Variants in MOCOS observed in about 807,000 individuals in gnomAD.
The protein encoded by MOCOS is human molybdenum cofactor sulfurase.
A neutral mutation model predicts 83.6 loss-of-function variants in MOCOS; 86 were observed. The observed-to-expected ratio is 1.03, with a 90% confidence interval of 0.86 to 1.23. The LOEUF is 1.23. Among genes scored for constraint, MOCOS ranks in the 50% most tolerant of loss-of-function variants. MOCOS has a pLI of 0.00. For missense variants in MOCOS, 1,120 were observed against 1,126.9 expected (o/e 0.99, Z 0.09); for synonymous variants, 445 against 434.7 (o/e 1.02, Z -0.29).
In MOCOS at chr18:36,269,080, G is replaced by A. The variant is rs2252668; in HGVS notation, c.*395G>A. On this transcript the variant is annotated 3_prime_UTR_variant, in exon 15 of 15. Coordinates refer to ENST00000261326, the MANE Select transcript of MOCOS (RefSeq NM_017947.4). ...GAGCATCTTTGGATCTCTCCAACCC[G>A]TTTGTAGTGAGGAAGGGAGTCTATG... 0.81 allele frequency: 190,111 copies of A among 236,000 alleles called. 77,492 individuals carry two copies. The highest frequency in any genetic ancestry group is 0.85 in the African/African-American group (36,856 of 43,158). The allele number at this position is 236,000 out of a possible 1,614,324, so 14.6% of individuals were successfully genotyped here.
At chr18:36,249,797 A>G (rs685799) in intron 10 of MOCOS, among the ~76,000 whole-genome samples, 150,353 of 152,240 alleles carry the variant, frequency 0.99, 74,275 homozygotes, top group East Asian at 1. Flanking sequence ...TGGATAAGGA[A>G]GCTGAGGGTG....
intron 1 of MOCOS, chr18:36,190,119 C>T (rs752606527): frequency 1.3e-5 from 2 of 152,228 alleles, no homozygotes; most frequent in Non-Finnish European, 2.9e-5. Flanking sequence ...GCTACTTGGC[C>T]CTCCAGAAGA....
At chr18:36,259,101 A>AT (rs141033231) in intron 12 of MOCOS, among the ~76,000 whole-genome samples, 19,492 of 149,876 alleles carry the variant, frequency 0.13, 1,412 homozygotes, top group East Asian at 0.2. Context: ...GCAGAGGGCC[A>AT]TTTTTTTTGG....
At position 36,269,292 on chromosome 18, in the gene MOCOS, C is replaced by T. The variant is rs2091691844; in HGVS notation, c.*607C>T. 6.4e-6 allele frequency: 1 copy of T among 156,436 alleles called. No individual in the cohort carries two copies. The highest frequency in any genetic ancestry group is 6.2e-5 in the Admixed American group (1 of 16,048). The allele number at this position is 156,436 out of a possible 1,614,324, so 9.7% of individuals were successfully genotyped here. ...TTTCCTGTTGCTTCCCATCCCTGGC[C>T]TCCGTCCTCATCCCCCACTGAGTTG... On this transcript the variant is annotated 3_prime_UTR_variant, in exon 15 of 15. Coordinates refer to ENST00000261326, the MANE Select transcript of MOCOS (RefSeq NM_017947.4).
intron 9 of MOCOS, among the ~76,000 whole-genome samples, chr18:36,246,951 A>T (rs543707013): frequency 6.6e-6 from 1 of 152,056 alleles, no homozygotes; most frequent in South Asian, 2.1e-4. Context: ...TTTGGCTATC[A>T]GGGCAAGTAG....
intron 7 of MOCOS, 35 bp from the exon 8 acceptor site, chr18:36,215,481 G>A (rs1403553252): frequency 1.3e-6 from 2 of 1,592,166 alleles, no homozygotes; most frequent in Non-Finnish European, 1.7e-6. Context: ...TGAGAAAGGG[G>A]TCACTCTGGC....
At chr18:36,229,109 G>A (rs2091528641) in intron 9 of MOCOS, among the ~76,000 whole-genome samples, 1 of 152,048 alleles carries the variant, frequency 6.6e-6, no homozygotes, top group Non-Finnish European at 1.5e-5. Flanking sequence ...ACTACCAATA[G>A]TAACATAATA....
chr18:36,192,268 G>T (rs982831149), intron 1 of MOCOS, among the ~76,000 whole-genome samples: 1 of 152,212 alleles, frequency 6.6e-6, no homozygotes, highest in Non-Finnish European at 1.5e-5. Context: ...CAAGTGGTAG[G>T]ATACAAGATC....
At chr18:36,213,950 A>G (rs961989409) in intron 7 of MOCOS, among the ~76,000 whole-genome samples, 1 of 142,280 alleles carries the variant, frequency 7.0e-6, no homozygotes, top group Non-Finnish European at 1.5e-5. Context: ...AAAGAAAAAA[A>G]AAAAGAAGAA....
At position 36,266,741 on chromosome 18, in the gene MOCOS, C is replaced by A. The variant is rs374057656; in HGVS notation, c.2410-8C>A. 2 of 1,613,318 alleles carry A rather than the reference C, an allele frequency of 1.2e-6. No homozygotes were observed. The highest frequency in any genetic ancestry group is 4.5e-5 in the East Asian group (2 of 44,872). The stretch of plus-strand genomic sequence containing the variant: ...TGGCAACGCTGTGTTTTCCTTCTCA[C>A]CTGCCAGGTTTTGGGGCCTTGTCAC... On this transcript the variant is annotated splice_polypyrimidine_tract_variant and splice_region_variant and intron_variant, in intron 13 of 14. Transcript: ENST00000261326.
At chr18:36,191,040 A>AAAGAAAAAG (rs367738433) in intron 1 of MOCOS, among the ~76,000 whole-genome samples, 20,157 of 146,540 alleles carry the variant, frequency 0.14, 1,885 homozygotes, top group East Asian at 0.31. Context: ...AAGAAAAAGA[A>AAAGAAAAAG]AAAAAAGTGT....
At chr18:36,232,696 A>T (rs974043577) in intron 9 of MOCOS, among the ~76,000 whole-genome samples, 3 of 152,044 alleles carry the variant, frequency 2.0e-5, no homozygotes, top group East Asian at 1.9e-4. Context: ...CTTTACTTCT[A>T]TGAGATCAAC....
chr18:36,225,333 G>A (rs1001351303), intron 9 of MOCOS, among the ~76,000 whole-genome samples: 25 of 152,080 alleles, frequency 1.6e-4, no homozygotes, highest in Admixed American at 1.5e-3. Flanking sequence ...TGTACTTTTT[G>A]TAGAGAGAGG....
intron 11 of MOCOS, among the ~76,000 whole-genome samples, chr18:36,252,557 C>CA (rs34085750): frequency 6.6e-5 from 10 of 151,068 alleles, no homozygotes; most frequent in Non-Finnish European, 1.2e-4. Context: ...GACTCTGTCT[C>CA]AAAAAAAAAT....
intron 10 of MOCOS, among the ~76,000 whole-genome samples, chr18:36,250,797 G>A (rs547597887): frequency 1.6e-4 from 25 of 152,274 alleles, no homozygotes; most frequent in Admixed American, 3.3e-4. Context: ...CAGGCCCATA[G>A]TGAACAAATA....
At chr18:36,243,739 TG>T (rs761611451) in intron 9 of MOCOS, among the ~76,000 whole-genome samples, 16 of 152,200 alleles carry the variant, frequency 1.1e-4, no homozygotes, top group Non-Finnish European at 2.2e-4. Context: ...TGAATCCATC[TG>T]GTCCTGGACT....
At chr18:36,208,982 G>C (rs559111000) in intron 6 of MOCOS, among the ~76,000 whole-genome samples, 5 of 152,232 alleles carry the variant, frequency 3.3e-5, no homozygotes, top group South Asian at 4.1e-4. Flanking sequence ...TTCCTAGTTT[G>C]TTGGGAGTTT....
Position 36,271,977 on chromosome 18 carries a change from T to C in MOCOS, c.*3292T>C, listed in dbSNP as rs1303690279. Reference sequence around the variant, plus strand: ...AGAAACAAAAGAAACAGAACCAACATTTATAGATCTCACTATAGAGGCATC... The same window carrying C: ...AGAAACAAAAGAAACAGAACCAACACTTATAGATCTCACTATAGAGGCATC... On this transcript the variant is annotated 3_prime_UTR_variant, in exon 15 of 15. Coordinates refer to ENST00000261326, the MANE Select transcript of MOCOS (RefSeq NM_017947.4). 1 of 152,200 alleles carries C rather than the reference T, an allele frequency of 6.6e-6. No individual in the cohort carries two copies. Among genetic ancestry groups the C allele is most frequent in the Non-Finnish European group, 1.5e-5 (1 of 68,048 alleles). 9.4% of individuals were successfully genotyped at this position (152,200 alleles called of 1,614,324 possible).
chr18:36,246,285 C>T (rs895482747), intron 9 of MOCOS, among the ~76,000 whole-genome samples: 3 of 152,166 alleles, frequency 2.0e-5, no homozygotes, highest in African/African-American at 7.2e-5. Flanking sequence ...GACTCAAGGG[C>T]TGCTATTCAC....
Sources: allele counts gnomAD v4.1 joint callset (sites outside exome capture counted in the v4.1 genomes callset), GRCh38; gene constraint gnomAD v4.1.1; transcripts MANE v1.5; gene names NCBI Gene and HGNC (gene_info 2026-07-23, HGNC 2026-07-21).